Variants in LRP5 observed in about 807,000 individuals in gnomAD.
LRP5 encodes low-density lipoprotein receptor-related protein 5.
A neutral mutation model predicts 154.1 loss-of-function variants in LRP5; 62 were observed. The ratio of observed to expected loss-of-function variants is 0.40; its 90% CI spans 0.33 to 0.50. LRP5 has a LOEUF of 0.50. Among genes scored for constraint, LRP5 ranks in the 20% least tolerant of loss-of-function variants. The pLI is 0.55. For missense variants in LRP5, 1,915 were observed against 2,336.7 expected (o/e 0.82, Z 3.72); for synonymous variants, 966 against 1,011.5 (o/e 0.96, Z 0.85).
chr11:68,332,165 C>T (rs1344220853), intron 1 of LRP5, among the ~76,000 whole-genome samples: 3 of 152,336 alleles, frequency 2.0e-5, no homozygotes, highest in Non-Finnish European at 1.5e-5. Flanking sequence ...TTAAGAAAAG[C>T]TTTTTATAAT....
intron 13 of LRP5, among the ~76,000 whole-genome samples, chr11:68,420,803 A>G (rs760722904): frequency 6.6e-6 from 1 of 152,132 alleles, no homozygotes; most frequent in Non-Finnish European, 1.5e-5. Flanking sequence ...TGTCGTGAAT[A>G]AGGCCACTAT....
chr11:68,449,036 C>T lies in LRP5; in HGVS notation c.4814C>T (p.Pro1605Leu), dbSNP rs748634726. ...GAGAGGAGCTACTTCCATCTCTTCCCGCCCCCTCCGTCCCCCTGCACGGAC... is the reference window on the plus strand; with the variant it reads ...GAGAGGAGCTACTTCCATCTCTTCCTGCCCCCTCCGTCCCCCTGCACGGAC... ...ATERSYFHLF[P>L]PPPSPCTDSS Residue 1605 changes from proline (P) to leucine (L), a missense_variant, in exon 23 of 23, where the codon CCG becomes CTG. By Grantham distance (98) the Pro-to-Leu change is moderately conservative. This residue lies in a region of LRP5 where 1,094 missense variants were observed against 1,210.1 expected (regional missense o/e 0.90). Coordinates refer to ENST00000294304, the MANE Select transcript of LRP5 (RefSeq NM_002335.4). The T allele has an allele frequency of 3.2e-6, 5 of 1,583,234 alleles. No homozygotes were observed. Among genetic ancestry groups the T allele is most frequent in the East Asian group, 2.2e-5 (1 of 44,762 alleles).
chr11:68,444,198 T>TGA (rs2098680213), intron 21 of LRP5, among the ~76,000 whole-genome samples: 1 of 151,976 alleles, frequency 6.6e-6, no homozygotes, highest in East Asian at 1.9e-4. Flanking sequence ...AATTGAACAG[T>TGA]GAGATGTACA....
intron 8 of LRP5, chr11:68,404,324 C>G: frequency 1.9e-6 from 1 of 530,936 alleles, no homozygotes. Context: ...CCACACTGCA[C>G]CTGCTTGTCA....
intron 13 of LRP5, among the ~76,000 whole-genome samples, chr11:68,418,291 G>C (rs2098663702): frequency 6.6e-6 from 1 of 152,106 alleles, no homozygotes; most frequent in Non-Finnish European, 1.5e-5. Context: ...TGTAGTCCCA[G>C]CTACTCGGGA....
chr11:68,414,023 C>G lies in LRP5; in HGVS notation c.2827+11C>G. 2.5e-6 allele frequency: 4 copies of G among 1,601,378 alleles called. No individual in the cohort carries two copies. Among genetic ancestry groups the G allele is most frequent in the Non-Finnish European group, 3.4e-6 (4 of 1,179,098 alleles). Reference sequence around the variant, plus strand: ...GCCGCAACTGCAGCCGTAAGTGCCTCATGGTCCCCCGCACCTCACTCCCTC... The same window carrying G: ...GCCGCAACTGCAGCCGTAAGTGCCTGATGGTCCCCCGCACCTCACTCCCTC... On this transcript the variant is annotated intron_variant, in intron 12 of 22. Transcript: ENST00000294304.
At chr11:68,350,952 C>G (rs1171543685) in intron 2 of LRP5, among the ~76,000 whole-genome samples, 2 of 151,684 alleles carry the variant, frequency 1.3e-5, no homozygotes, top group East Asian at 3.9e-4. Context: ...CTGTGTGTGT[C>G]CGTGTGTGTG....
Position 68,424,074 on chromosome 11 carries a change from C to T in LRP5, c.3236+377C>T, listed in dbSNP as rs150476534. On this transcript the variant is annotated intron_variant, in intron 14 of 22. Transcript: ENST00000294304. ...CAGGGAGCTCCTGGGCTTCTTCCTC[C>T]CAGAGGCCCCCGACGCTCCCACCTG... Among the ~76,000 whole-genome samples, 1,101 of 152,320 alleles carry T rather than the reference C, an allele frequency of 7.2e-3. 7 individuals are homozygous for T. The highest frequency in any genetic ancestry group is 0.011 in the Non-Finnish European group (753 of 68,022).
chr11:68,390,180 GA>G (rs891609254), intron 7 of LRP5, 128 bp downstream of exon 7: 2 of 1,160,672 alleles, frequency 1.7e-6, no homozygotes, highest in African/African-American at 1.5e-5. Context: ...GAATGCTTGA[GA>G]AAATAGTTAC....
At chr11:68,401,807 G>A (rs1375274101) in intron 7 of LRP5, among the ~76,000 whole-genome samples, 1 of 152,154 alleles carries the variant, frequency 6.6e-6, no homozygotes, top group African/African-American at 2.4e-5. Flanking sequence ...TCCTGCCTCA[G>A]CCTCCCGAGC....
chr11:68,369,839 C>T (rs1281608323), intron 5 of LRP5, among the ~76,000 whole-genome samples: 4 of 152,162 alleles, frequency 2.6e-5, no homozygotes, highest in African/African-American at 9.7e-5. Flanking sequence ...ATAACTTGCC[C>T]AGGCTACCCT....
chr11:68,412,695 G>A (rs1020533628), intron 11 of LRP5, among the ~76,000 whole-genome samples: 1 of 151,964 alleles, frequency 6.6e-6, no homozygotes, highest in Non-Finnish European at 1.5e-5. Context: ...AAGTCCCCAG[G>A]CACCCCTTGG....
chr11:68,397,264 T>C (rs1159383597), intron 7 of LRP5, among the ~76,000 whole-genome samples: 8 of 152,226 alleles, frequency 5.3e-5, no homozygotes, highest in African/African-American at 1.9e-4. Context: ...CCTTCTCTCC[T>C]CTGCCCCGCC....
At chr11:68,397,803 C>T (rs962192544) in intron 7 of LRP5, among the ~76,000 whole-genome samples, 3 of 152,144 alleles carry the variant, frequency 2.0e-5, no homozygotes, top group African/African-American at 4.8e-5. Flanking sequence ...CAGGAGTGAC[C>T]CCCAAACCTC....
In LRP5 at chr11:68,386,862, C is replaced by A. The variant is rs1401624920; in HGVS notation, c.1412+150C>A. ...AAACACCGGCAGCTGGGCCCCACCC[C>A]CAGAGCGGTGATTCAGGAGCTCCAG... On this transcript the variant is annotated intron_variant, in intron 6 of 22. Transcript: ENST00000294304. This position sits in a 1 kb window ranked among gnomAD's most constrained non-coding sequence, Gnocchi z 7.9. 1 of 959,532 alleles carries A rather than the reference C, an allele frequency of 1.0e-6. No homozygotes were observed. The highest frequency in any genetic ancestry group is 1.7e-5 in the South Asian group (1 of 58,080). The allele number at this position is 959,532 out of a possible 1,614,324, so 59.4% of individuals were successfully genotyped here. A position where few individuals can be genotyped will look rare whatever the true frequency, so the allele number is the denominator to read the frequency against.
intron 22 of LRP5, 21 bp from the exon 23 acceptor site, chr11:68,448,788 C>G: frequency 6.2e-7 from 1 of 1,601,824 alleles, no homozygotes; most frequent in African/African-American, 1.3e-5. Flanking sequence ...AATCCCACTC[C>G]TCTGTGTGTG....
At chr11:68,311,971 G>A (rs772657038), upstream of LRP5, among the ~76,000 whole-genome samples, 1 of 152,232 alleles carries the variant, frequency 6.6e-6, no homozygotes, top group Non-Finnish European at 1.5e-5. Flanking sequence ...GCCCTGGCGG[G>A]CTTGTTGAAG....
At chr11:68,443,846 C>T (rs1005325275) in intron 21 of LRP5, among the ~76,000 whole-genome samples, 3 of 151,066 alleles carry the variant, frequency 2.0e-5, no homozygotes, top group Non-Finnish European at 4.4e-5. Flanking sequence ...TTAGTAGAGA[C>T]GGGGGTTTCT....
intron 3 of LRP5, among the ~76,000 whole-genome samples, chr11:68,363,021 A>C (rs1260548988): frequency 2.0e-5 from 3 of 152,224 alleles, no homozygotes; most frequent in Non-Finnish European, 4.4e-5. Context: ...CCGAGTCCTC[A>C]TTTGCTGGGC....
Sources: allele counts gnomAD v4.1 joint callset (sites outside exome capture counted in the v4.1 genomes callset), GRCh38; gene constraint gnomAD v4.1.1; regional missense constraint gnomAD v4.1.1; non-coding constraint Gnocchi (gnomAD v3.1); transcripts MANE v1.5; gene names NCBI Gene and HGNC (gene_info 2026-07-23, HGNC 2026-07-21).